USP6NL: variants seen among roughly 807,000 people sequenced by gnomAD.
The protein encoded by USP6NL is USP6 N-terminal-like protein.
A neutral mutation model predicts 61.9 loss-of-function variants in USP6NL; 26 were observed. That is an observed-to-expected ratio of 0.42 (90% confidence interval 0.31 to 0.58). The LOEUF (loss-of-function observed/expected upper bound fraction) is 0.58, where lower values mean the gene tolerates loss of function less well. USP6NL is among the 20% of genes least tolerant of loss of function. USP6NL has a pLI of 0.16. For synonymous variants in USP6NL, 432 were observed against 390.1 expected (o/e 1.11, Z -1.27); for missense variants, 1,114 against 1,034.3 (o/e 1.08, Z -1.06).
At chr10:11,577,946 G>A (rs1437036223) in intron 2 of USP6NL, among the ~76,000 whole-genome samples, 1 of 120,334 alleles carries the variant, frequency 8.3e-6, no homozygotes, top group Non-Finnish European at 2.0e-5. Context: ...AAATACAGGT[G>A]ATGTTATTAT....
intron 2 of USP6NL, among the ~76,000 whole-genome samples, chr10:11,541,239 A>ATG (rs1216500721): frequency 2.2e-5 from 2 of 91,850 alleles, no homozygotes; most frequent in African/African-American, 8.5e-5. Flanking sequence ...CCATATATAT[A>ATG]TATATATATA....
At chr10:11,557,228 G>A (rs953427827) in intron 2 of USP6NL, among the ~76,000 whole-genome samples, 7 of 152,096 alleles carry the variant, frequency 4.6e-5, no homozygotes, top group Admixed American at 2.6e-4. Flanking sequence ...ATATTAGAGA[G>A]AGAACTTGAA....
chr10:11,503,945 C>A (rs1422579241), intron 6 of USP6NL, among the ~76,000 whole-genome samples: 1 of 152,016 alleles, frequency 6.6e-6, no homozygotes, highest in Non-Finnish European at 1.5e-5. Flanking sequence ...GCTGGACTTA[C>A]TAAAATACAT....
At position 11,525,493 on chromosome 10, in the gene USP6NL, G is replaced by A. The variant is rs745643114; in HGVS notation, c.73-25C>T. ...CCTAAAATAAGGCACAAAAAAAGGT[G>A]TTAATCAGAGTTTATAAAACTGAAT... On this transcript the variant is annotated intron_variant, in intron 3 of 14. Transcript: ENST00000609104. The surrounding 1 kb of genome is among the most constrained non-coding windows in gnomAD (Gnocchi z 5.0). 4 of 1,529,336 alleles carry A rather than the reference G, an allele frequency of 2.6e-6. No individual in the cohort carries two copies. The African/African-American group carries it at 4.3e-5, about 16-fold the overall frequency. 94.7% of individuals were successfully genotyped at this position (1,529,336 alleles called of 1,614,324 possible). A position where few individuals can be genotyped will look rare whatever the true frequency, so the allele number is the denominator to read the frequency against.
intron 2 of USP6NL, among the ~76,000 whole-genome samples, chr10:11,558,764 C>A (rs950088992): frequency 6.6e-6 from 1 of 152,170 alleles, no homozygotes; most frequent in African/African-American, 2.4e-5. Flanking sequence ...ATATAAATAT[C>A]TAAACTCAAA....
In USP6NL at chr10:11,561,731, T is replaced by C. The variant is rs994803512; in HGVS notation, c.5-34164A>G. Among the ~76,000 whole-genome samples, 3 of 152,238 alleles carry C rather than the reference T, an allele frequency of 2.0e-5. No homozygotes were observed. Among genetic ancestry groups the C allele is most frequent in the Non-Finnish European group, 4.4e-5 (3 of 68,034 alleles). On this transcript the variant is annotated intron_variant, in intron 2 of 14. Transcript: ENST00000609104. The surrounding 1 kb of genome is among the most constrained non-coding windows in gnomAD (Gnocchi z 4.1). ...ATGCAGAAATGGTATTTCTATAGAATACTGACTTGCAGACTAGAATTAGTA... is the reference window on the plus strand; with the variant it reads ...ATGCAGAAATGGTATTTCTATAGAACACTGACTTGCAGACTAGAATTAGTA...
intron 5 of USP6NL, among the ~76,000 whole-genome samples, chr10:11,515,046 T>C (rs1264754237): frequency 7.2e-5 from 11 of 152,222 alleles, no homozygotes; most frequent in Non-Finnish European, 1.3e-4. Context: ...AAGTCAGAAC[T>C]GGCCTCTCCT....
At position 11,463,934 on chromosome 10, in the gene USP6NL, C is replaced by T. The variant is rs1832319262; in HGVS notation, c.1079-85G>A. 3.1e-6 allele frequency: 4 copies of T among 1,291,882 alleles called. No individual in the cohort carries two copies. In the East Asian group the frequency reaches 7.6e-5, roughly 25 times the overall value. The allele number at this position is 1,291,882 out of a possible 1,614,324, so 80.0% of individuals were successfully genotyped here. On this transcript the variant is annotated intron_variant, in intron 14 of 14. Coordinates refer to ENST00000609104, the MANE Select transcript of USP6NL (RefSeq NM_014688.5). This position sits in a 1 kb window ranked among gnomAD's most constrained non-coding sequence, Gnocchi z 6.3. ...GCAATCCATTAGTAACAATGGCATG[C>T]TTTTCATCTGTGCACAGATACACGC...
intron 2 of USP6NL, among the ~76,000 whole-genome samples, chr10:11,546,124 AGT>A (rs1836264245): frequency 6.6e-6 from 1 of 152,230 alleles, no homozygotes; most frequent in Non-Finnish European, 1.5e-5. Flanking sequence ...GCTCTTTTTA[AGT>A]ACTGAGAAAC....
intron 2 of USP6NL, among the ~76,000 whole-genome samples, chr10:11,572,766 A>G (rs1359058972): frequency 6.6e-6 from 1 of 152,096 alleles, no homozygotes; most frequent in African/African-American, 2.4e-5. Flanking sequence ...GAAAAGGCTG[A>G]TATATCAATT....
chr10:11,607,950 T>C (rs1320846089), intron 1 of USP6NL, among the ~76,000 whole-genome samples: 1 of 152,164 alleles, frequency 6.6e-6, no homozygotes, highest in Non-Finnish European at 1.5e-5. Context: ...AACTAAATAA[T>C]CTCTTTAGAG....
At chr10:11,469,931 C>T (rs902850077) in intron 14 of USP6NL, among the ~76,000 whole-genome samples, 1 of 151,976 alleles carries the variant, frequency 6.6e-6, no homozygotes, top group African/African-American at 2.4e-5. Flanking sequence ...GCTAACGCTG[C>T]GATTATGCCA....
Position 11,482,878 on chromosome 10 carries a change from C to A in USP6NL, c.926-956G>T, listed in dbSNP as rs1255020638. ...TTTCTTTTTTTTAATTGGCTAATGA[C>A]AAATTGTATATATCTGTGGTAGACA... On this transcript the variant is annotated intron_variant, in intron 13 of 14. Transcript: ENST00000609104. The surrounding 1 kb of genome is among the most constrained non-coding windows in gnomAD (Gnocchi z 4.0). 6.6e-6 allele frequency among the ~76,000 whole-genome samples: 1 copy of A among 152,004 alleles called. No homozygotes were observed. Among genetic ancestry groups the A allele is most frequent in the African/African-American group, 2.4e-5 (1 of 41,378 alleles).
In USP6NL at chr10:11,537,079, A is replaced by G. The variant is rs1309400657; in HGVS notation, c.5-9512T>C. Reference sequence around the variant, plus strand: ...CAGAAGAGCCACACAAGTTCCATACATATCTTCATATTCCTCCAGGTTTTG... The same window carrying G: ...CAGAAGAGCCACACAAGTTCCATACGTATCTTCATATTCCTCCAGGTTTTG... On this transcript the variant is annotated intron_variant, in intron 2 of 14. Coordinates refer to ENST00000609104, the MANE Select transcript of USP6NL (RefSeq NM_014688.5). The surrounding 1 kb of genome is among the most constrained non-coding windows in gnomAD (Gnocchi z 5.1). Among the ~76,000 whole-genome samples the G allele has an allele frequency of 6.6e-6, 1 of 152,106 alleles. No individual in the cohort carries two copies. Among genetic ancestry groups the G allele is most frequent in the African/African-American group, 2.4e-5 (1 of 41,442 alleles).
chr10:11,509,306 A>C (rs1159541020), intron 6 of USP6NL, among the ~76,000 whole-genome samples: 2 of 152,230 alleles, frequency 1.3e-5, no homozygotes, highest in African/African-American at 2.4e-5. Flanking sequence ...AAGAGATGGA[A>C]GAAACTATGG....
chr10:11,608,682 C>T (rs1041509018), intron 1 of USP6NL, among the ~76,000 whole-genome samples: 5 of 152,182 alleles, frequency 3.3e-5, no homozygotes, highest in African/African-American at 7.2e-5. Flanking sequence ...ACTCATCCCA[C>T]GTGTTGAAAA....
intron 2 of USP6NL, among the ~76,000 whole-genome samples, chr10:11,541,941 T>C (rs1008112196): frequency 6.6e-6 from 1 of 152,210 alleles, no homozygotes; most frequent in African/African-American, 2.4e-5. Flanking sequence ...GTACGGTGAC[T>C]AGAAAGGAAA....
At chr10:11,526,269 A>G (rs1028483184) in intron 3 of USP6NL, among the ~76,000 whole-genome samples, 3 of 151,972 alleles carry the variant, frequency 2.0e-5, no homozygotes, top group Admixed American at 2.0e-4. Context: ...CAATCCCTCA[A>G]ATTTTAGACT....
Position 11,598,278 on chromosome 10 carries a change from C to T in USP6NL, c.-83-561G>A, listed in dbSNP as rs1588422760. ...TCATAACATATTACCCTAACCCCTACATCTACCCAATCATTTGGGACATAT... is the reference window on the plus strand; with the variant it reads ...TCATAACATATTACCCTAACCCCTATATCTACCCAATCATTTGGGACATAT... On this transcript the variant is annotated intron_variant, in intron 1 of 14. Coordinates refer to ENST00000609104, the MANE Select transcript of USP6NL (RefSeq NM_014688.5). The surrounding 1 kb of genome is among the most constrained non-coding windows in gnomAD (Gnocchi z 4.7). 6.6e-6 allele frequency among the ~76,000 whole-genome samples: 1 copy of T among 152,124 alleles called. No homozygotes were observed. Among genetic ancestry groups the T allele is most frequent in the African/African-American group, 2.4e-5 (1 of 41,426 alleles).
Sources: gnomAD v4.1 joint callset for allele counts (sites outside exome capture counted in the v4.1 genomes callset) on GRCh38, gnomAD v4.1.1 for gene constraint, Gnocchi (gnomAD v3.1) non-coding constraint, MANE v1.5 for transcripts, NCBI Gene and HGNC (gene_info 2026-07-23, HGNC 2026-07-21) for gene names.